The following BEND5 variants were observed in gnomAD, a reference collection of about 807,000 sequenced individuals.
BEND5 encodes the protein BEN domain containing 5.
BEND5 carries 22 observed loss-of-function variants against 43.9 expected under a neutral mutation model. The observed-to-expected ratio is 0.50, with a 90% CI of 0.36 to 0.72. The LOEUF (loss-of-function observed/expected upper bound fraction) is 0.72, where lower values mean the gene tolerates loss of function less well. BEND5 is among the 30% of genes least tolerant of loss of function. The probability of loss-of-function intolerance (pLI) is 0.00; values close to 1 mark genes in which losing one functional copy is unlikely to be tolerated. For missense variants in BEND5, 428 were observed against 550.6 expected, an observed-to-expected ratio of 0.78 and a Z score of 2.23; for synonymous variants, 228 against 225.9, an observed-to-expected ratio of 1.01 and a Z score of -0.08.
chr1:48,776,294 G>C (rs983856790), intron 1 of BEND5, among the ~76,000 whole-genome samples: 1 of 152,230 alleles, frequency 6.6e-6, no homozygotes, highest in African/African-American at 2.4e-5. Flanking sequence ...GAGAAAAATG[G>C]AAAGTGAAGG....
chr1:48,753,947 TTTTA>T (rs1320166031), intron 3 of BEND5, among the ~76,000 whole-genome samples: 1 of 152,182 alleles, frequency 6.6e-6, no homozygotes, highest in African/African-American at 2.4e-5. Flanking sequence ...AGAGCACTGA[TTTTA>T]TTTGCCTGGT....
intron 1 of BEND5, among the ~76,000 whole-genome samples, chr1:48,764,786 A>C (rs182695865): frequency 1.3e-5 from 2 of 152,332 alleles, no homozygotes; most frequent in African/African-American, 4.8e-5. Flanking sequence ...GTAGGATCAA[A>C]TCAGCTCAGT....
chr1:48,762,997 C>T (rs1017124497), intron 1 of BEND5, among the ~76,000 whole-genome samples: 1 of 152,054 alleles, frequency 6.6e-6, no homozygotes, highest in Non-Finnish European at 1.5e-5. Context: ...ACAGTGCCTG[C>T]TACACACTGA....
At chr1:48,732,386 A>G (rs1648284357) in intron 5 of BEND5, among the ~76,000 whole-genome samples, 2 of 152,246 alleles carry the variant, frequency 1.3e-5, no homozygotes, top group African/African-American at 4.8e-5. Flanking sequence ...ATCAACAAAT[A>G]TTTATTGAGC....
intron 3 of BEND5, among the ~76,000 whole-genome samples, chr1:48,752,716 C>A (rs1222655862): frequency 3.3e-5 from 5 of 152,082 alleles, no homozygotes; most frequent in African/African-American, 1.2e-4. Context: ...TACTATATGC[C>A]AGCCTCCAGG....
At chr1:48,767,553 A>T (rs984987188) in intron 1 of BEND5, among the ~76,000 whole-genome samples, 2 of 152,206 alleles carry the variant, frequency 1.3e-5, no homozygotes, top group Non-Finnish European at 2.9e-5. Context: ...CACATGAATG[A>T]AGGTGAATGG....
rs1649062125 is a variant in BEND5, at chr1:48,736,422, C to T, written c.925G>A (p.Glu309Lys). ...ACTTGTAGCTGGTGCCATTTCTCCT[C>T]ATCAACCCAAATCCCGCTTCCCAGA... Reference protein sequence around the residue: ...VHLGSGIWVDEEKWHQLQVTQ... With the variant: ...VHLGSGIWVDKEKWHQLQVTQ... The change falls in exon 5 of 6, where the codon GAG becomes AAG. Residue 309 changes from glutamate to lysine, a missense_variant. Glu to Lys is a moderately conservative substitution (Grantham distance 56). Around this residue, in one of 4 missense-constraint regions of BEND5, gnomAD observed 75 missense variants for 148.5 expected, o/e 0.50. Coordinates refer to ENST00000371833, the MANE Select transcript of BEND5 (RefSeq NM_024603.4). This position sits in a 1 kb window ranked among gnomAD's most constrained non-coding sequence, Gnocchi z 4.0. 6.2e-7 allele frequency: 1 copy of T among 1,614,190 alleles called. No individual in the cohort carries two copies. The highest frequency in any genetic ancestry group is 8.5e-7 in the Non-Finnish European group (1 of 1,180,046).
intron 1 of BEND5, among the ~76,000 whole-genome samples, chr1:48,769,572 A>ACACACACACAC (rs1553230018): frequency 3.2e-5 from 2 of 62,680 alleles, no homozygotes; most frequent in African/African-American, 1.0e-4. Context: ...CACACACACA[A>ACACACACACAC]GTTAAATTTT....
chr1:48,744,828 C>G (rs1326608074), intron 3 of BEND5, among the ~76,000 whole-genome samples: 1 of 152,168 alleles, frequency 6.6e-6, no homozygotes, highest in Admixed American at 6.5e-5. Context: ...TGCCCCCCAC[C>G]AATATTCACC....
rs945943194 is a variant in BEND5, at chr1:48,776,586, C to G, written c.226+20G>C. 1.6e-5 allele frequency: 22 copies of G among 1,412,314 alleles called. No individual in the cohort carries two copies. Among genetic ancestry groups the G allele is most frequent in the Non-Finnish European group, 1.9e-5 (21 of 1,089,854 alleles). The allele number at this position is 1,412,314 out of a possible 1,614,324, so 87.5% of individuals were successfully genotyped here. ...AGCCCCCGCCCGGGTCCCACCGTCCCTCCCCGCCCGCTTGCTCACCTGCCA... is the reference window on the plus strand; with the variant it reads ...AGCCCCCGCCCGGGTCCCACCGTCCGTCCCCGCCCGCTTGCTCACCTGCCA... On this transcript the variant is annotated intron_variant, in intron 1 of 5. Transcript: ENST00000371833.
intron 3 of BEND5, among the ~76,000 whole-genome samples, chr1:48,743,397 A>G (rs1570455325): frequency 6.6e-6 from 1 of 152,230 alleles, no homozygotes; most frequent in East Asian, 1.9e-4. Context: ...AGCTAGATAA[A>G]TGGTGATAGT....
At chr1:48,748,516 T>C (rs1346360761) in intron 3 of BEND5, among the ~76,000 whole-genome samples, 1 of 151,792 alleles carries the variant, frequency 6.6e-6, no homozygotes, top group Non-Finnish European at 1.5e-5. Flanking sequence ...AAGGAGGGGG[T>C]GCTGCCTCTG....
At chr1:48,751,234 G>C (rs1245829086) in intron 3 of BEND5, among the ~76,000 whole-genome samples, 1 of 152,174 alleles carries the variant, frequency 6.6e-6, no homozygotes, top group Non-Finnish European at 1.5e-5. Context: ...AAACTATGAA[G>C]ACATGGTGGG....
intron 1 of BEND5, among the ~76,000 whole-genome samples, chr1:48,775,899 G>A (rs1305796426): frequency 2.0e-5 from 3 of 152,182 alleles, no homozygotes; most frequent in South Asian, 2.1e-4. Context: ...CATTCAGGGA[G>A]CCTTCTGGGA....
At chr1:48,751,083 T>C (rs558432097) in intron 3 of BEND5, among the ~76,000 whole-genome samples, 2 of 152,346 alleles carry the variant, frequency 1.3e-5, no homozygotes, top group African/African-American at 4.8e-5. Flanking sequence ...GATATGTCTT[T>C]TCCCCTCTCT....
chr1:48,770,387 A>G (rs1357282386), intron 1 of BEND5, among the ~76,000 whole-genome samples: 1 of 152,174 alleles, frequency 6.6e-6, no homozygotes. Context: ...CAGGACACCT[A>G]TCTCTGCTGG....
At chr1:48,740,317 AG>A (rs1282727321) in intron 4 of BEND5, among the ~76,000 whole-genome samples, 1 of 152,242 alleles carries the variant, frequency 6.6e-6, no homozygotes, top group Non-Finnish European at 1.5e-5. Flanking sequence ...CCTGGGAACC[AG>A]GAGGTCTGGC....
intron 5 of BEND5, among the ~76,000 whole-genome samples, chr1:48,729,394 C>A (rs1163444892): frequency 6.6e-6 from 1 of 152,114 alleles, no homozygotes; most frequent in African/African-American, 2.4e-5. Context: ...TAATAATGGG[C>A]AAAACCCTTG....
intron 2 of BEND5, among the ~76,000 whole-genome samples, chr1:48,760,019 T>C (rs1309977960): frequency 1.3e-5 from 2 of 151,828 alleles, no homozygotes; most frequent in Non-Finnish European, 2.9e-5. Context: ...GGTCAGAGAG[T>C]TCAGGGAAGG....
Sources: allele counts gnomAD v4.1 joint callset (sites outside exome capture counted in the v4.1 genomes callset), GRCh38; gene constraint gnomAD v4.1.1; regional missense constraint gnomAD v4.1.1; non-coding constraint Gnocchi (gnomAD v3.1); transcripts MANE v1.5; gene names NCBI Gene and HGNC (gene_info 2026-07-23, HGNC 2026-07-21).